The following BCL7C variants were observed in gnomAD, a reference collection of about 807,000 sequenced individuals.
The protein encoded by BCL7C is BAF chromatin remodeling complex subunit BCL7C.
BCL7C carries 8 observed loss-of-function variants against 26.2 expected under a neutral mutation model. The ratio of observed to expected loss-of-function variants is 0.30; its 90% confidence interval spans 0.18 to 0.55. The LOEUF (loss-of-function observed/expected upper bound fraction) is 0.55. Among genes scored for constraint, BCL7C ranks in the 20% least tolerant of loss-of-function variants. The pLI, the probability that BCL7C is intolerant of heterozygous loss-of-function variation, is 0.93. For missense variants in BCL7C, 262 were observed against 298.5 expected, an observed-to-expected ratio of 0.88 and a Z score of 0.90; for synonymous variants, 90 against 116.5, an observed-to-expected ratio of 0.77 and a Z score of 1.47.
Position 30,860,237 on chromosome 16 carries a change from C to A in BCL7C, c.529-25089G>T, listed in dbSNP as rs576310868. 2.6e-5 allele frequency among the ~76,000 whole-genome samples: 4 copies of A among 152,316 alleles called. No individual in the cohort carries two copies. In the East Asian group the frequency reaches 7.7e-4, roughly 29 times the overall value. ...TTGGTGTTTAATCATTGCGGGGACA[C>A]CTGCCTGATTATTCACCCCACATTT... On this transcript the variant is annotated intron_variant, in intron 5 of 5. Coordinates refer to the BCL7C transcript ENST00000380317.
At chr16:30,842,820 A>G (rs1194726723) in intron 5 of BCL7C, among the ~76,000 whole-genome samples, 9 of 152,134 alleles carry the variant, frequency 5.9e-5, no homozygotes, top group Admixed American at 2.6e-4. Flanking sequence ...CGCTCGCCTC[A>G]GCCTCCCAAA....
At chr16:30,857,034 A>G (rs756193307) in intron 5 of BCL7C, among the ~76,000 whole-genome samples, 24 of 152,152 alleles carry the variant, frequency 1.6e-4, no homozygotes, top group Non-Finnish European at 2.4e-4. Context: ...TTTGTTTTCA[A>G]CAAATGCCCT....
intron 5 of BCL7C, among the ~76,000 whole-genome samples, chr16:30,844,973 C>G (rs893155156): frequency 2.6e-5 from 4 of 152,168 alleles, no homozygotes; most frequent in African/African-American, 7.2e-5. Flanking sequence ...TGCAGTTTTT[C>G]AGGGGCAGAT....
chr16:30,853,479 G>C (rs2054694283), intron 5 of BCL7C, among the ~76,000 whole-genome samples: 1 of 152,108 alleles, frequency 6.6e-6, no homozygotes, highest in Non-Finnish European at 1.5e-5. Flanking sequence ...ACCTGCCTGA[G>C]GCTCTTCTTG....
At chr16:30,851,784 A>G (rs2151364526) in intron 5 of BCL7C, 1 of 386,260 alleles carries the variant, frequency 2.6e-6, no homozygotes, top group Non-Finnish European at 4.8e-6. Flanking sequence ...TTTGGGAAGT[A>G]CTTTAGAGCT....
intron 5 of BCL7C, among the ~76,000 whole-genome samples, chr16:30,852,788 A>G (rs2054687350): frequency 6.6e-6 from 1 of 151,756 alleles, no homozygotes; most frequent in African/African-American, 2.4e-5. Flanking sequence ...CACCTCACCC[A>G]GCCAAACTTT....
chr16:30,873,229 GAGT>G (rs2054896309), intron 5 of BCL7C, among the ~76,000 whole-genome samples: 1 of 67,072 alleles, frequency 1.5e-5, no homozygotes, highest in African/African-American at 5.8e-5. Context: ...TGAGCTCAAG[GAGT>G]TGATTTTGTT....
At chr16:30,851,931 G>A (rs1275358691) in intron 5 of BCL7C, 3 of 182,848 alleles carry the variant, frequency 1.6e-5, no homozygotes, top group Non-Finnish European at 2.4e-5. Context: ...TCAAAATGAC[G>A]ATTTTTTTAA....
intron 5 of BCL7C, among the ~76,000 whole-genome samples, chr16:30,848,455 C>A (rs180748479): frequency 1.1e-4 from 17 of 152,270 alleles, no homozygotes; most frequent in Admixed American, 1.1e-3. Context: ...GACCACCAGG[C>A]AATCTAATTT....
At chr16:30,838,651 G>A (rs1483039968) in intron 5 of BCL7C, among the ~76,000 whole-genome samples, 1 of 152,188 alleles carries the variant, frequency 6.6e-6, no homozygotes, top group South Asian at 2.1e-4. Flanking sequence ...GCAGGGATTG[G>A]TGGCAGTCAC....
chr16:30,847,677 T>C (rs1385398973), intron 5 of BCL7C, among the ~76,000 whole-genome samples: 1 of 151,902 alleles, frequency 6.6e-6, no homozygotes, highest in Non-Finnish European at 1.5e-5. Flanking sequence ...ACACCTGTAA[T>C]CCCAGCTACT....
chr16:30,855,328 T>C (rs536795363), intron 5 of BCL7C, among the ~76,000 whole-genome samples: 2 of 152,134 alleles, frequency 1.3e-5, no homozygotes, highest in South Asian at 4.2e-4. Context: ...AAGCTCTACC[T>C]CCTGGGTTCA....
At chr16:30,836,824 T>C (rs2054572395) in intron 5 of BCL7C, among the ~76,000 whole-genome samples, 2 of 150,436 alleles carry the variant, frequency 1.3e-5, no homozygotes, top group African/African-American at 4.9e-5. Context: ...GACAGAGTCT[T>C]GCTCTGTCAC....
chr16:30,843,482 G>C (rs146009367), intron 5 of BCL7C, among the ~76,000 whole-genome samples: 348 of 150,434 alleles, frequency 2.3e-3, no homozygotes, highest in African/African-American at 8.3e-3. Context: ...GGTCACTTGG[G>C]CCTGGGAGGT....
intron 5 of BCL7C, among the ~76,000 whole-genome samples, chr16:30,873,954 T>TACACACACAC (rs145435913): frequency 0.47 from 65,170 of 137,490 alleles, 17,744 homozygotes; most frequent in East Asian, 0.82. Flanking sequence ...GATATATGTA[T>TACACACACAC]ACACACACAC....
Position 30,880,582 on chromosome 16 carries a change from G to C in BCL7C, c.528+8278C>G, listed in dbSNP as rs567661878. Among the ~76,000 whole-genome samples, 33 of 152,144 alleles carry C rather than the reference G, an allele frequency of 2.2e-4. 1 individual carries two copies. In the South Asian group the frequency reaches 6.4e-3, roughly 30 times the overall value. ...AAAAGTCAGAACAGCGGTTGACTCT[G>C]GGGAGTTGGAGATGAGAAGGGGGCA... On this transcript the variant is annotated intron_variant, in intron 5 of 5. Transcript: ENST00000380317.
At chr16:30,879,689 C>CAAAAAGAAAAAAA (rs2055008328) in intron 5 of BCL7C, among the ~76,000 whole-genome samples, 1 of 29,406 alleles carries the variant, frequency 3.4e-5, no homozygotes, top group Admixed American at 6.0e-4. Context: ...CCCTTCTCTA[C>CAAAAAGAAAAAAA]AAAAAAAAAA....
At chr16:30,872,954 A>G (rs1224702486) in intron 5 of BCL7C, among the ~76,000 whole-genome samples, 1 of 152,242 alleles carries the variant, frequency 6.6e-6, no homozygotes, top group Admixed American at 6.5e-5. Context: ...TAAATCAGAC[A>G]ATCCAGTGTT....
At chr16:30,851,680 A>C in intron 5 of BCL7C, 1 of 724,784 alleles carries the variant, frequency 1.4e-6, no homozygotes, top group Non-Finnish European at 2.3e-6. Flanking sequence ...TCTCAGATGT[A>C]ATGGTTTCAC....
Sources: gnomAD v4.1 joint callset for allele counts (sites outside exome capture counted in the v4.1 genomes callset) on GRCh38, gnomAD v4.1.1 for gene constraint, MANE v1.5 for transcripts, NCBI Gene and HGNC (gene_info 2026-07-23, HGNC 2026-07-21) for gene names.